Variants in MGST2 observed in about 807,000 individuals in gnomAD.
MGST2 encodes the protein glutathione peroxidase MGST2.
A neutral mutation model predicts 16.6 loss-of-function variants in MGST2; 9 were observed. The ratio of observed to expected loss-of-function variants is 0.54; its 90% CI spans 0.33 to 0.95. MGST2 has a LOEUF of 0.95. Ranked by LOEUF, MGST2 falls within the 40% of genes least tolerant of loss-of-function variation. The pLI, the probability that MGST2 is intolerant of heterozygous loss-of-function variation, is 0.03. For synonymous variants in MGST2, 79 were observed against 68.0 expected, an observed-to-expected ratio of 1.16 and a Z score of -0.79; for missense variants, 159 against 175.1, an observed-to-expected ratio of 0.91 and a Z score of 0.52.
intron 3 of MGST2, among the ~76,000 whole-genome samples, 188 bp from the exon 4 acceptor site, chr4:139,703,267 T>C (rs1349931066): frequency 2.0e-5 from 3 of 152,164 alleles, no homozygotes; most frequent in Non-Finnish European, 2.9e-5. Context: ...TGTTGAATCA[T>C]GTTGAAACAT....
At chr4:139,734,272 G>T (rs1488374502) in intron 5 of MGST2, among the ~76,000 whole-genome samples, 1 of 152,188 alleles carries the variant, frequency 6.6e-6, no homozygotes, top group African/African-American at 2.4e-5. Context: ...TTCTAAGAAG[G>T]ACACACACTG....
At chr4:139,704,718 C>A (rs182656587), downstream of MGST2, among the ~76,000 whole-genome samples, 1,146 of 152,238 alleles carry the variant, frequency 7.5e-3, 9 homozygotes, top group African/African-American at 0.025. Flanking sequence ...GTCAGGAGAT[C>A]GAGACCATCC....
intron 2 of MGST2, among the ~76,000 whole-genome samples, chr4:139,683,099 G>A (rs1402742027): frequency 6.6e-6 from 1 of 152,214 alleles, no homozygotes; most frequent in East Asian, 1.9e-4. Flanking sequence ...TTCTCCCTCA[G>A]GGTGGCAAGT....
At position 139,739,159 on chromosome 4, in the gene MGST2, C is replaced by G. The variant is rs543803554; in HGVS notation, c.*49-1053C>G. On this transcript the variant is annotated intron_variant, in intron 5 of 5. Coordinates refer to the MGST2 transcript ENST00000616265. ...GATGAATTCTAGCCTAAACCAACATCAGGTATAACTGGAGATGACAAAATG... is the reference window on the plus strand; with the variant it reads ...GATGAATTCTAGCCTAAACCAACATGAGGTATAACTGGAGATGACAAAATG... Among the ~76,000 whole-genome samples the G allele has an allele frequency of 1.4e-4, 21 of 152,310 alleles. No homozygotes were observed. The East Asian group carries it at 3.1e-3, about 22-fold the overall frequency.
At chr4:139,683,183 A>G (rs1403418923) in intron 2 of MGST2, among the ~76,000 whole-genome samples, 1 of 152,126 alleles carries the variant, frequency 6.6e-6, no homozygotes, top group East Asian at 1.9e-4. Flanking sequence ...TTCACCAGGG[A>G]CCCTTGGCTG....
At chr4:139,678,798 A>G (rs930481696) in intron 2 of MGST2, 156 bp downstream of exon 2, 1 of 699,822 alleles carries the variant, frequency 1.4e-6, no homozygotes. Context: ...CTCAGAATCC[A>G]GAAAGTTTGA....
intron 1 of MGST2, among the ~76,000 whole-genome samples, chr4:139,672,097 C>T (rs8192033): frequency 0.014 from 2,183 of 152,250 alleles, 29 homozygotes; most frequent in Non-Finnish European, 0.025. Flanking sequence ...ATCTCAGTAC[C>T]TCTTCCATTT....
At chr4:139,743,636 G>A (rs1388439006), downstream of MGST2, among the ~76,000 whole-genome samples, 1 of 152,200 alleles carries the variant, frequency 6.6e-6, no homozygotes, top group Non-Finnish European at 1.5e-5. Flanking sequence ...CTTGAAATCT[G>A]TCTCAGATCC....
At chr4:139,676,389 G>T (rs1042098183) in intron 1 of MGST2, among the ~76,000 whole-genome samples, 7 of 152,128 alleles carry the variant, frequency 4.6e-5, no homozygotes, top group Non-Finnish European at 8.8e-5. Flanking sequence ...CACACACGGA[G>T]AATTATTTTA....
In MGST2 at chr4:139,715,644, C is replaced by G. The variant is rs1161221190; in HGVS notation, c.*48+11448C>G. The stretch of plus-strand genomic sequence containing the variant: ...TTGATGATATGCTAAACAAGGGGTG[C>G]ATTATTCATGCCTCCCCTTTTTAGA... On this transcript the variant is annotated intron_variant, in intron 5 of 5. Coordinates refer to the MGST2 transcript ENST00000616265. This position sits in a 1 kb window ranked among gnomAD's most constrained non-coding sequence, Gnocchi z 4.4. 6.6e-6 allele frequency among the ~76,000 whole-genome samples: 1 copy of G among 152,238 alleles called. No homozygotes were observed. The highest frequency in any genetic ancestry group is 2.4e-5 in the African/African-American group (1 of 41,544).
chr4:139,712,414 G>A (rs951040001), intron 5 of MGST2, among the ~76,000 whole-genome samples: 10 of 152,164 alleles, frequency 6.6e-5, no homozygotes, highest in East Asian at 1.9e-4. Flanking sequence ...AATAGTTCTC[G>A]CTCCAGTTTC....
chr4:139,734,280 CTG>C (rs1293363178), intron 5 of MGST2, among the ~76,000 whole-genome samples: 1 of 152,240 alleles, frequency 6.6e-6, no homozygotes, highest in Non-Finnish European at 1.5e-5. Context: ...AGGACACACA[CTG>C]TGTTGTGCAA....
intron 2 of MGST2, among the ~76,000 whole-genome samples, chr4:139,693,516 G>A (rs1329453286): frequency 6.6e-6 from 1 of 152,034 alleles, no homozygotes; most frequent in Non-Finnish European, 1.5e-5. Flanking sequence ...TTTAGCCAAG[G>A]AAAAAGAAAC....
chr4:139,708,734 G>A (rs1268179533), downstream of MGST2, among the ~76,000 whole-genome samples: 2 of 152,092 alleles, frequency 1.3e-5, no homozygotes, highest in Non-Finnish European at 2.9e-5. Context: ...CAGGCGCGGT[G>A]GCTCACGCCT....
intron 5 of MGST2, among the ~76,000 whole-genome samples, chr4:139,721,684 A>G (rs575286711): frequency 2.0e-5 from 3 of 152,366 alleles, no homozygotes; most frequent in African/African-American, 7.2e-5. Flanking sequence ...CTTGAGATCA[A>G]TATCATACTG....
At chr4:139,718,618 G>C (rs533098456) in intron 5 of MGST2, 3 of 152,440 alleles carry the variant, frequency 2.0e-5, no homozygotes, top group Non-Finnish European at 4.4e-5. Context: ...AGGACTGCCG[G>C]ATGGACCCTG....
chr4:139,747,343 AT>A, the MGST2 span, among the ~76,000 whole-genome samples: 3 of 152,186 alleles, frequency 2.0e-5, no homozygotes, highest in Non-Finnish European at 4.4e-5. Flanking sequence ...TCCTTTTAGC[AT>A]CTGCATGCAT....
intron 4 of MGST2, 59 bp downstream of exon 4, chr4:139,703,595 C>A: frequency 1.4e-6 from 2 of 1,477,176 alleles, no homozygotes; most frequent in Non-Finnish European, 1.9e-6. Flanking sequence ...AGGTCTGGGT[C>A]AGTTTCCTTC....
At chr4:139,690,766 A>G (rs571456928) in intron 2 of MGST2, among the ~76,000 whole-genome samples, 1 of 152,300 alleles carries the variant, frequency 6.6e-6, no homozygotes, top group East Asian at 1.9e-4. Flanking sequence ...CCCAAATAAC[A>G]TAAACTTTGT....
Sources: gnomAD v4.1 joint callset for allele counts (sites outside exome capture counted in the v4.1 genomes callset) on GRCh38, gnomAD v4.1.1 for gene constraint, Gnocchi (gnomAD v3.1) non-coding constraint, MANE v1.5 for transcripts, NCBI Gene and HGNC (gene_info 2026-07-23, HGNC 2026-07-21) for gene names.